The following SYNDIG1 variants were observed in gnomAD, a reference collection of about 807,000 sequenced individuals.
SYNDIG1 encodes synapse differentiation-inducing gene protein 1.
Under a neutral mutation model 19.4 loss-of-function variants are expected in SYNDIG1, and 9 were observed. That is an observed-to-expected ratio of 0.46 (90% CI 0.28 to 0.81). The LOEUF is 0.81. SYNDIG1 is among the 30% of genes least tolerant of loss of function. SYNDIG1 has a pLI of 0.12. For synonymous variants in SYNDIG1, 141 were observed against 145.9 expected (o/e 0.97, Z 0.24); for missense variants, 311 against 343.3 (o/e 0.91, Z 0.74).
At chr20:24,651,478 A>G (rs540638735) in intron 3 of SYNDIG1, among the ~76,000 whole-genome samples, 5 of 152,326 alleles carry the variant, frequency 3.3e-5, no homozygotes, top group South Asian at 2.1e-4. Flanking sequence ...ACGACCACAC[A>G]TGAGCCAAGT....
chr20:24,481,576 T>C (rs2055799102), intron 1 of SYNDIG1, among the ~76,000 whole-genome samples: 1 of 152,210 alleles, frequency 6.6e-6, no homozygotes, highest in Non-Finnish European at 1.5e-5. Context: ...TATAGGCAAG[T>C]TTCTAAGCCA....
intron 3 of SYNDIG1, among the ~76,000 whole-genome samples, chr20:24,652,507 T>C (rs1208502220): frequency 6.6e-6 from 1 of 152,250 alleles, no homozygotes; most frequent in African/African-American, 2.4e-5. Context: ...GGCCTGCTCA[T>C]GGTTGGCTGT....
chr20:24,551,673 G>T (rs1333280395), intron 2 of SYNDIG1, among the ~76,000 whole-genome samples: 1 of 151,628 alleles, frequency 6.6e-6, no homozygotes, highest in African/African-American at 2.4e-5. Flanking sequence ...TGTAAATTTT[G>T]ATTTGTTGTG....
chr20:24,554,669 G>A (rs561228002), intron 2 of SYNDIG1, among the ~76,000 whole-genome samples: 169 of 152,132 alleles, frequency 1.1e-3, no homozygotes, highest in African/African-American at 4.0e-3. Flanking sequence ...TGATCATGGT[G>A]GATAAGCTTT....
chr20:24,615,716 G>A (rs2058920773), intron 3 of SYNDIG1, among the ~76,000 whole-genome samples: 1 of 152,118 alleles, frequency 6.6e-6, no homozygotes, highest in South Asian at 2.1e-4. Flanking sequence ...TGGAAGGTCT[G>A]CACGGTCTTT....
chr20:24,640,503 AAGGAAGG>A (rs1291218688), intron 3 of SYNDIG1, among the ~76,000 whole-genome samples: 2 of 146,584 alleles, frequency 1.4e-5, no homozygotes, highest in Non-Finnish European at 3.0e-5. Flanking sequence ...GGAAGGAAGG[AAGGAAGG>A]AAGGAAGGAA....
At chr20:24,651,562 G>A (rs1307762581) in intron 3 of SYNDIG1, among the ~76,000 whole-genome samples, 2 of 152,216 alleles carry the variant, frequency 1.3e-5, no homozygotes, top group African/African-American at 2.4e-5. Flanking sequence ...TTACTCAGCT[G>A]TGCAGATTAG....
At chr20:24,608,274 G>A (rs775328694) in intron 3 of SYNDIG1, among the ~76,000 whole-genome samples, 10 of 151,872 alleles carry the variant, frequency 6.6e-5, no homozygotes, top group Admixed American at 2.0e-4. Flanking sequence ...CGCCTCCCGG[G>A]TTCTAGCGAT....
chr20:24,585,056 G>GGGGGCCC, intron 3 of SYNDIG1, 63 bp downstream of exon 3: 1 of 545,664 alleles, frequency 1.8e-6, no homozygotes, highest in Non-Finnish European at 3.4e-6. Flanking sequence ...GGTGGGGGCG[G>GGGGGCCC]CAATCCCAGC....
chr20:24,577,813 T>C (rs1390156433), intron 2 of SYNDIG1, among the ~76,000 whole-genome samples: 1 of 152,104 alleles, frequency 6.6e-6, no homozygotes, highest in Non-Finnish European at 1.5e-5. Context: ...CACATGTAAA[T>C]GATGGTGAAG....
At chr20:24,584,734 C>T (rs1305635250) in intron 2 of SYNDIG1, 122 bp from the exon 3 acceptor site, 7 of 1,364,302 alleles carry the variant, frequency 5.1e-6, no homozygotes, top group Non-Finnish European at 2.0e-6. Context: ...ACGTCAGCAA[C>T]TGCAGCTGCC....
At chr20:24,554,056 A>T (rs1381179400) in intron 2 of SYNDIG1, among the ~76,000 whole-genome samples, 1 of 152,116 alleles carries the variant, frequency 6.6e-6, no homozygotes, top group Non-Finnish European at 1.5e-5. Context: ...TAAGTATTTT[A>T]TTCTCTTTGA....
At chr20:24,643,176 C>CTTCCCTTACT (rs2059394827) in intron 3 of SYNDIG1, among the ~76,000 whole-genome samples, 1 of 152,218 alleles carries the variant, frequency 6.6e-6, no homozygotes, top group South Asian at 2.1e-4. Context: ...CTGCAGCCTT[C>CTTCCCTTACT]TTCCCTTACT....
At chr20:24,524,862 C>T (rs952340911) in intron 1 of SYNDIG1, among the ~76,000 whole-genome samples, 4 of 152,044 alleles carry the variant, frequency 2.6e-5, no homozygotes, top group Non-Finnish European at 5.9e-5. Context: ...AGAGACTTGG[C>T]CTTGTGGATC....
chr20:24,549,426 G>A (rs972106977), intron 2 of SYNDIG1, among the ~76,000 whole-genome samples: 20 of 152,136 alleles, frequency 1.3e-4, no homozygotes, highest in Non-Finnish European at 1.5e-4. Context: ...AGTATCCTGT[G>A]GTGTTGAAAT....
At chr20:24,581,846 T>C (rs1243416184) in intron 2 of SYNDIG1, among the ~76,000 whole-genome samples, 2 of 146,018 alleles carry the variant, frequency 1.4e-5, no homozygotes, top group Non-Finnish European at 3.0e-5. Context: ...CCCCTGCACA[T>C]CCTCCCTACT....
At position 24,478,972 on chromosome 20, in the gene SYNDIG1, A is replaced by G. The variant is rs528642177; in HGVS notation, c.-79+9219A>G. 7.9e-5 allele frequency among the ~76,000 whole-genome samples: 12 copies of G among 152,318 alleles called. No individual in the cohort carries two copies. The East Asian group carries it at 1.9e-3, about 24-fold the overall frequency. ...TGTGTTCTTGTCTCGCTCTCAGCATAAGGCTTTTCCCGGAAGATGGAAATG... is the reference window on the plus strand; with the variant it reads ...TGTGTTCTTGTCTCGCTCTCAGCATGAGGCTTTTCCCGGAAGATGGAAATG... On this transcript the variant is annotated intron_variant, in intron 1 of 3. Transcript: ENST00000376862.
intron 2 of SYNDIG1, among the ~76,000 whole-genome samples, chr20:24,555,256 G>T (rs1407998848): frequency 6.6e-6 from 1 of 152,094 alleles, no homozygotes; most frequent in Non-Finnish European, 1.5e-5. Flanking sequence ...AAAAAAACCA[G>T]CTCTGGATTC....
intron 3 of SYNDIG1, among the ~76,000 whole-genome samples, chr20:24,616,076 ATT>A (rs1382798775): frequency 6.6e-6 from 1 of 152,182 alleles, no homozygotes. Context: ...ATTTTAAAAT[ATT>A]GTTTATGCTC....
Sources: gnomAD v4.1 joint callset for allele counts (sites outside exome capture counted in the v4.1 genomes callset) on GRCh38, gnomAD v4.1.1 for gene constraint, MANE v1.5 for transcripts, NCBI Gene and HGNC (gene_info 2026-07-23, HGNC 2026-07-21) for gene names.